Variants in DOCK1 observed in about 807,000 individuals in gnomAD.
The protein encoded by DOCK1 is dedicator of cytokinesis 1.
Under a neutral mutation model 262.7 loss-of-function variants are expected in DOCK1, and 138 were observed. The observed-to-expected ratio is 0.53, with a 90% CI of 0.46 to 0.61. DOCK1 has a LOEUF of 0.61. Among genes scored for constraint, DOCK1 ranks in the 20% least tolerant of loss-of-function variants. The pLI is 0.00. For synonymous variants in DOCK1, 866 were observed against 867.4 expected (o/e 1.00, Z 0.03); for missense variants, 1,908 against 2,370.7 (o/e 0.80, Z 4.05).
At chr10:127,255,371 G>A (rs2059795956) in intron 28 of DOCK1, among the ~76,000 whole-genome samples, 1 of 152,170 alleles carries the variant, frequency 6.6e-6, no homozygotes, top group Non-Finnish European at 1.5e-5. Context: ...CTGTACTCCA[G>A]CCTGGGTGAG....
At chr10:127,413,648 A>T (rs2067987865) in intron 43 of DOCK1, among the ~76,000 whole-genome samples, 1 of 152,174 alleles carries the variant, frequency 6.6e-6, no homozygotes, top group African/African-American at 2.4e-5. Flanking sequence ...AAAGCCCAGG[A>T]TGGAACCCAG....
intron 27 of DOCK1, among the ~76,000 whole-genome samples, chr10:127,191,026 C>T (rs1305689907): frequency 1.3e-5 from 2 of 152,102 alleles, no homozygotes; most frequent in Non-Finnish European, 2.9e-5. Flanking sequence ...GACTATGCCT[C>T]CACTCTCTGA....
intron 1 of DOCK1, among the ~76,000 whole-genome samples, chr10:126,934,155 T>C (rs1257600381): frequency 6.6e-6 from 1 of 152,182 alleles, no homozygotes; most frequent in Non-Finnish European, 1.5e-5. Flanking sequence ...TTTTTGAGAC[T>C]AAGTTTCACT....
chr10:127,167,080 A>G (rs967333750), intron 27 of DOCK1, among the ~76,000 whole-genome samples: 1 of 152,120 alleles, frequency 6.6e-6, no homozygotes, highest in African/African-American at 2.4e-5. Flanking sequence ...TTTATTTTTC[A>G]TATTAGAGAT....
At chr10:127,435,213 C>A (rs1259769417) in intron 48 of DOCK1, among the ~76,000 whole-genome samples, 3 of 152,116 alleles carry the variant, frequency 2.0e-5, no homozygotes, top group African/African-American at 7.2e-5. Context: ...GCAATTTAAA[C>A]AACACAGAAG....
At chr10:127,418,304 T>G in intron 44 of DOCK1, 61 bp from the exon 45 acceptor site, 3 of 1,496,482 alleles carry the variant, frequency 2.0e-6, no homozygotes, top group African/African-American at 1.4e-5. Context: ...GCTCCTCTGG[T>G]GAGACCCTGG....
rs766333447 is a variant in DOCK1 at position 127,023,205 on chromosome 10, G to A, written c.1333G>A (p.Val445Ile). 1 of 1,613,600 alleles carries A rather than the reference G, an allele frequency of 6.2e-7. No homozygotes were observed. Among genetic ancestry groups the A allele is most frequent in the South Asian group, 1.1e-5 (1 of 90,880 alleles). Residue 445 changes from valine to isoleucine, a missense_variant, in exon 14 of 52, where the codon GTT becomes ATT. Coordinates refer to ENST00000623213, the MANE Select transcript of DOCK1 (RefSeq NM_001290223.2). ...TATGATTTCTCCCCCCTCAGGTGATGTTCGAAATGATATCTATGTAACATT... is the reference window on the plus strand; with the variant it reads ...TATGATTTCTCCCCCCTCAGGTGATATTCGAAATGATATCTATGTAACATT... Reference protein sequence around the residue: ...GFPEIIMPGDVRNDIYVTLVQ... With the variant: ...GFPEIIMPGDIRNDIYVTLVQ...
At chr10:127,155,598 C>T (rs2052966171) in intron 27 of DOCK1, among the ~76,000 whole-genome samples, 1 of 152,116 alleles carries the variant, frequency 6.6e-6, no homozygotes, top group African/African-American at 2.4e-5. Flanking sequence ...TCACCAGACA[C>T]GGTGATTTTG....
intron 38 of DOCK1, among the ~76,000 whole-genome samples, chr10:127,393,201 G>A (rs2066600697): frequency 1.3e-5 from 2 of 152,058 alleles, no homozygotes; most frequent in South Asian, 4.2e-4. Context: ...AATGTATTGG[G>A]GTAAGGAGAC....
intron 29 of DOCK1, among the ~76,000 whole-genome samples, chr10:127,284,706 C>G (rs2135310037): frequency 6.6e-6 from 1 of 152,298 alleles, no homozygotes; most frequent in African/African-American, 2.4e-5. Context: ...GAGGTATTAT[C>G]ATGTCACTGC....
chr10:126,941,291 T>C (rs1359375577), intron 1 of DOCK1, among the ~76,000 whole-genome samples: 3 of 152,242 alleles, frequency 2.0e-5, no homozygotes, highest in Admixed American at 2.0e-4. Context: ...GATGCTATAC[T>C]GTGTAAAGAA....
At chr10:127,401,036 T>C (rs113680323) in intron 38 of DOCK1, among the ~76,000 whole-genome samples, 1,716 of 152,264 alleles carry the variant, frequency 0.011, 38 homozygotes, top group African/African-American at 0.04. Context: ...GTTTTTTGCA[T>C]GTCTGACACC....
At chr10:127,382,667 C>A (rs2065886020) in intron 37 of DOCK1, among the ~76,000 whole-genome samples, 1 of 152,138 alleles carries the variant, frequency 6.6e-6, no homozygotes, top group South Asian at 2.1e-4. Flanking sequence ...ATTTCAGTAG[C>A]AAGGTGTTTT....
At chr10:127,299,768 C>T (rs11017181) in intron 29 of DOCK1, among the ~76,000 whole-genome samples, 16,666 of 152,154 alleles carry the variant, frequency 0.11, 1,165 homozygotes, top group African/African-American at 0.19. Flanking sequence ...CCTAGACCTA[C>T]GTACTTTGGA....
Position 127,404,321 on chromosome 10 carries a change from C to A in DOCK1, c.4018-4C>A. The A allele has an allele frequency of 6.2e-7, 1 of 1,610,904 alleles. No homozygotes were observed. The highest frequency in any genetic ancestry group is 8.5e-7 in the Non-Finnish European group (1 of 1,178,336). On this transcript the variant is annotated splice_region_variant and splice_polypyrimidine_tract_variant and intron_variant, in intron 39 of 51. Coordinates refer to ENST00000623213, the MANE Select transcript of DOCK1 (RefSeq NM_001290223.2). ...CTGAAATGCATTTTCTTTTTTCCTT[C>A]CAGAAAAAACAGGCTCAGTTTTATG...
Position 127,175,537 on chromosome 10 carries a change from C to T in DOCK1, c.2847+47773C>T, listed in dbSNP as rs149479141. On this transcript the variant is annotated intron_variant, in intron 27 of 51. Coordinates refer to ENST00000623213, the MANE Select transcript of DOCK1 (RefSeq NM_001290223.2). This position sits in a 1 kb window ranked among gnomAD's most constrained non-coding sequence, Gnocchi z 6.3. Reference sequence around the variant, plus strand: ...TTGAGATGTGTGGCTCTCCTCCGCTCGTCATCTGCCGGGCAGAGTGACCAC... The same window carrying T: ...TTGAGATGTGTGGCTCTCCTCCGCTTGTCATCTGCCGGGCAGAGTGACCAC... 8.7e-6 allele frequency: 14 copies of T among 1,610,504 alleles called. No homozygotes were observed. The highest frequency in any genetic ancestry group is 4.4e-5 in the South Asian group (4 of 91,076).
intron 29 of DOCK1, among the ~76,000 whole-genome samples, chr10:127,308,615 G>A (rs1052397225): frequency 2.0e-5 from 3 of 152,052 alleles, no homozygotes; most frequent in Admixed American, 6.6e-5. Flanking sequence ...GCCCTGGTAC[G>A]CGTTGTTCTC....
intron 10 of DOCK1, among the ~76,000 whole-genome samples, chr10:127,002,876 T>C (rs1381286162): frequency 6.6e-6 from 1 of 152,208 alleles, no homozygotes; most frequent in Non-Finnish European, 1.5e-5. Context: ...CCCACTGATA[T>C]CGGGGCTTCT....
Position 126,979,997 on chromosome 10 carries a change from G to A in DOCK1, c.172-1921G>A, listed in dbSNP as rs566906049. Among the ~76,000 whole-genome samples the A allele has an allele frequency of 1.1e-4, 17 of 152,142 alleles. 1 individual carries two copies. In the South Asian group the frequency reaches 3.5e-3, roughly 32 times the overall value. On this transcript the variant is annotated intron_variant, in intron 3 of 51. Transcript: ENST00000623213. ...CTCCAGTGGGTTTGCTGAGATTGAG[G>A]GTTGTCTCCACCTGTGGACATGGAC...
Sources: gnomAD v4.1 joint callset for allele counts (sites outside exome capture counted in the v4.1 genomes callset) on GRCh38, gnomAD v4.1.1 for gene constraint, Gnocchi (gnomAD v3.1) non-coding constraint, MANE v1.5 for transcripts, NCBI Gene and HGNC (gene_info 2026-07-23, HGNC 2026-07-21) for gene names.